The following AHI1 variants were observed in gnomAD, a reference collection of about 807,000 sequenced individuals.
AHI1 encodes Abelson helper integration site 1.
Under a neutral mutation model 149.3 loss-of-function variants are expected in AHI1, and 123 were observed. The ratio of observed to expected loss-of-function variants is 0.82; its 90% CI spans 0.71 to 0.96. The LOEUF (loss-of-function observed/expected upper bound fraction) is 0.96. AHI1 is among the 40% of genes least tolerant of loss of function. The pLI is 0.00. For missense variants in AHI1, 1,439 were observed against 1,422.7 expected (o/e 1.01, Z -0.18); for synonymous variants, 475 against 459.8 (o/e 1.03, Z -0.42).
chr6:135,361,097 T>C (rs1168561299), intron 23 of AHI1, among the ~76,000 whole-genome samples: 2 of 152,260 alleles, frequency 1.3e-5, no homozygotes, highest in Non-Finnish European at 2.9e-5. Context: ...GATGGCTTTT[T>C]AGTTACATCT....
chr6:135,328,923 G>C (rs1205829761), intron 24 of AHI1, among the ~76,000 whole-genome samples: 2 of 152,112 alleles, frequency 1.3e-5, no homozygotes, highest in South Asian at 2.1e-4. Context: ...TAGTGGTCTG[G>C]ATAGAAGATC....
chr6:135,290,827 T>C (rs143680015), intron 27 of AHI1, among the ~76,000 whole-genome samples: 185 of 151,806 alleles, frequency 1.2e-3, no homozygotes, highest in Non-Finnish European at 2.0e-3. Context: ...ACTTACAGAA[T>C]AAAATAAATT....
chr6:135,423,894 T>C (rs978819381), intron 20 of AHI1, among the ~76,000 whole-genome samples: 1 of 152,112 alleles, frequency 6.6e-6, no homozygotes, highest in Non-Finnish European at 1.5e-5. Flanking sequence ...CAGACAATGC[T>C]GAGAACTTCT....
At chr6:135,424,100 A>C (rs1347776627) in intron 20 of AHI1, among the ~76,000 whole-genome samples, 2 of 152,020 alleles carry the variant, frequency 1.3e-5, no homozygotes, top group African/African-American at 4.8e-5. Flanking sequence ...CTGTAGAAAA[A>C]ACAAGGTTTG....
At chr6:135,436,113 A>C (rs899083793) in intron 15 of AHI1, among the ~76,000 whole-genome samples, 1 of 152,234 alleles carries the variant, frequency 6.6e-6, no homozygotes, top group Non-Finnish European at 1.5e-5. Flanking sequence ...GTGCGCTAGA[A>C]GTCATTAGCA....
chr6:135,492,168 A>C, intron 4 of AHI1, 60 bp downstream of exon 4: 1 of 1,345,016 alleles, frequency 7.4e-7, no homozygotes, highest in Non-Finnish European at 1.0e-6. Flanking sequence ...AAAATAAACC[A>C]AACTTAAAAG....
chr6:135,306,968 T>C (rs953550343), intron 26 of AHI1: 1 of 152,208 alleles, frequency 6.6e-6, no homozygotes, highest in Non-Finnish European at 1.5e-5. Context: ...ACTTCCTCTT[T>C]TGGGACTAAA....
chr6:135,440,316 AT>A (rs1304783145), intron 14 of AHI1, among the ~76,000 whole-genome samples: 1 of 152,190 alleles, frequency 6.6e-6, no homozygotes, highest in Non-Finnish European at 1.5e-5. Context: ...CCGTGGCATC[AT>A]TTAATATCAC....
intron 13 of AHI1, among the ~76,000 whole-genome samples, chr6:135,446,431 T>C (rs1268391940): frequency 1.3e-5 from 2 of 152,230 alleles, no homozygotes; most frequent in Non-Finnish European, 2.9e-5. Flanking sequence ...ATCTTTGCTA[T>C]GCACTGAATG....
intron 23 of AHI1, among the ~76,000 whole-genome samples, chr6:135,371,633 C>A (rs1775075551): frequency 6.6e-6 from 1 of 152,174 alleles, no homozygotes; most frequent in African/African-American, 2.4e-5. Flanking sequence ...ATAATCTTTT[C>A]AACTAATCTT....
At chr6:135,364,340 C>T (rs1015892591) in intron 23 of AHI1, among the ~76,000 whole-genome samples, 9 of 150,956 alleles carry the variant, frequency 6.0e-5, no homozygotes, top group South Asian at 2.1e-4. Flanking sequence ...TGATGGCGGC[C>T]GGGAAGAGGC....
At chr6:135,455,669 A>G in intron 10 of AHI1, 65 bp downstream of exon 10, 2 of 1,227,300 alleles carry the variant, frequency 1.6e-6, no homozygotes, top group Non-Finnish European at 2.2e-6. Context: ...TAAAAATAAT[A>G]GCTTACATTT....
At chr6:135,302,705 T>G in intron 26 of AHI1, 1 of 1,251,404 alleles carries the variant, frequency 8.0e-7, no homozygotes, top group Non-Finnish European at 1.0e-6. Context: ...CAAACACCTT[T>G]ACTCACTCAT....
chr6:135,451,676 A>G (rs1323709108), intron 11 of AHI1, among the ~76,000 whole-genome samples: 2 of 152,156 alleles, frequency 1.3e-5, no homozygotes, highest in Non-Finnish European at 2.9e-5. Flanking sequence ...ATAAATAAAA[A>G]TCCATATAGT....
Position 135,417,700 on chromosome 6 carries a change from T to C in AHI1, c.2765-6156A>G, listed in dbSNP as rs369993727. ...AGCCAACTGATTGGTATTCAAGGGG[T>C]CAAATTAAACACCCTATTTTATCTT... On this transcript the variant is annotated intron_variant, in intron 20 of 28. Coordinates refer to ENST00000265602, the MANE Select transcript of AHI1 (RefSeq NM_001134831.2). 5.3e-5 allele frequency among the ~76,000 whole-genome samples: 8 copies of C among 151,708 alleles called. No homozygotes were observed. In the East Asian group the frequency reaches 1.3e-3, roughly 26 times the overall value.
chr6:135,310,671 C>A (rs1199297185), intron 26 of AHI1, among the ~76,000 whole-genome samples: 1 of 152,080 alleles, frequency 6.6e-6, no homozygotes, highest in Non-Finnish European at 1.5e-5. Context: ...TCTTGAATAG[C>A]AAAACCAATA....
At chr6:135,326,124 T>G (rs879839154) in intron 24 of AHI1, among the ~76,000 whole-genome samples, 4 of 152,206 alleles carry the variant, frequency 2.6e-5, no homozygotes, top group Admixed American at 1.3e-4. Context: ...TCTGTAAACA[T>G]GTTCTGCATT....
At chr6:135,342,196 T>C (rs1048978272) in intron 24 of AHI1, among the ~76,000 whole-genome samples, 9 of 151,814 alleles carry the variant, frequency 5.9e-5, no homozygotes, top group African/African-American at 1.7e-4. Context: ...AAATAGCTTA[T>C]ATGAAAGGGA....
rs1786525238 is a variant in AHI1 at position 135,442,772 on chromosome 6, T to G, written c.1780-58A>C. The G allele has an allele frequency of 4.1e-6, 6 of 1,473,550 alleles. No homozygotes were observed. The Admixed American group carries it at 1.2e-4, about 30-fold the overall frequency. 91.3% of individuals were successfully genotyped at this position (1,473,550 alleles called of 1,614,324 possible). On this transcript the variant is annotated intron_variant, in intron 13 of 28. Coordinates refer to ENST00000265602, the MANE Select transcript of AHI1 (RefSeq NM_001134831.2). The stretch of plus-strand genomic sequence containing the variant: ...GCAAACATTAAAACGCGAAGGCTAG[T>G]TTTTAATTTCAATTACTGTAGTTCT...
Sources: allele counts gnomAD v4.1 joint callset (sites outside exome capture counted in the v4.1 genomes callset), GRCh38; gene constraint gnomAD v4.1.1; transcripts MANE v1.5; gene names NCBI Gene and HGNC (gene_info 2026-07-23, HGNC 2026-07-21).